CNTNAP2: variants seen among roughly 807,000 people sequenced by gnomAD.
CNTNAP2 encodes contactin-associated protein-like 2.
CNTNAP2 carries 98 observed loss-of-function variants against 155.2 expected under a neutral mutation model. The ratio of observed to expected loss-of-function variants is 0.63; its 90% CI spans 0.54 to 0.75. CNTNAP2 has a LOEUF of 0.75. Ranked by LOEUF, CNTNAP2 falls within the 30% of genes least tolerant of loss-of-function variation. The pLI is 0.00. For synonymous variants in CNTNAP2, 651 were observed against 631.2 expected, an observed-to-expected ratio of 1.03 and a Z score of -0.47; for missense variants, 1,727 against 1,688.1, an observed-to-expected ratio of 1.02 and a Z score of -0.40.
intron 13 of CNTNAP2, among the ~76,000 whole-genome samples, chr7:147,872,358 C>T (rs1799341469): frequency 6.6e-6 from 1 of 152,162 alleles, no homozygotes; most frequent in East Asian, 1.9e-4. Flanking sequence ...CACTAGAAAA[C>T]TACAGAACCG....
At chr7:146,898,038 T>TTAAC (rs148465612) in intron 3 of CNTNAP2, among the ~76,000 whole-genome samples, 4,726 of 152,188 alleles carry the variant, frequency 0.031, 224 homozygotes, top group African/African-American at 0.11. Flanking sequence ...AAAGCTTCTC[T>TTAAC]TAATGATTCC....
chr7:147,443,065 G>C (rs998878897), intron 10 of CNTNAP2, among the ~76,000 whole-genome samples: 2 of 152,092 alleles, frequency 1.3e-5, no homozygotes, highest in Admixed American at 6.5e-5. Context: ...AGCTGGGTTT[G>C]GGCCCAGTTC....
chr7:148,366,745 T>A (rs987758986), intron 21 of CNTNAP2, among the ~76,000 whole-genome samples: 2 of 152,156 alleles, frequency 1.3e-5, no homozygotes, highest in African/African-American at 4.8e-5. Context: ...GATTTCCAGA[T>A]ACTTTTGCAG....
At chr7:146,699,035 T>G (rs1800831645) in intron 1 of CNTNAP2, among the ~76,000 whole-genome samples, 1 of 152,216 alleles carries the variant, frequency 6.6e-6, no homozygotes, top group South Asian at 2.1e-4. Flanking sequence ...GTTGTTTGTT[T>G]TTATCATTTG....
intron 15 of CNTNAP2, among the ~76,000 whole-genome samples, chr7:148,114,135 C>G (rs951430585): frequency 6.6e-6 from 1 of 152,104 alleles, no homozygotes. Context: ...TTTCAATAAC[C>G]TTAAGGTTAT....
chr7:147,978,358 GA>G (rs1801467483), intron 15 of CNTNAP2, among the ~76,000 whole-genome samples: 3 of 152,080 alleles, frequency 2.0e-5, no homozygotes, highest in African/African-American at 4.8e-5. Context: ...ACCATAAACC[GA>G]GTTTATGGTG....
At chr7:147,980,933 C>CAAAAAAAAA (rs34927518) in intron 15 of CNTNAP2, among the ~76,000 whole-genome samples, 12 of 94,000 alleles carry the variant, frequency 1.3e-4, no homozygotes, top group East Asian at 3.6e-4. Context: ...TCCATCTTAA[C>CAAAAAAAAA]AAAAAAAAAA....
At chr7:147,029,798 A>G (rs574567256) in intron 3 of CNTNAP2, among the ~76,000 whole-genome samples, 37 of 152,346 alleles carry the variant, frequency 2.4e-4, no homozygotes, top group Middle Eastern at 6.8e-3. Context: ...AATTTATCCA[A>G]CTAAAGAATT....
chr7:147,135,783 A>T (rs1414622077), intron 8 of CNTNAP2, among the ~76,000 whole-genome samples: 1 of 101,376 alleles, frequency 9.9e-6, no homozygotes, highest in African/African-American at 4.3e-5. Flanking sequence ...CTTTATTCTT[A>T]AAAAAAAAAA....
intron 8 of CNTNAP2, among the ~76,000 whole-genome samples, chr7:147,269,568 C>A (rs998723178): frequency 6.6e-6 from 1 of 152,134 alleles, no homozygotes; most frequent in African/African-American, 2.4e-5. Context: ...CAAACCAGGT[C>A]CCCTGGGTTT....
intron 1 of CNTNAP2, among the ~76,000 whole-genome samples, chr7:146,554,681 T>A (rs967879849): frequency 6.6e-6 from 1 of 152,214 alleles, no homozygotes; most frequent in Non-Finnish European, 1.5e-5. Flanking sequence ...TGGACACAGC[T>A]CACAGGCTGG....
At chr7:146,842,416 T>C (rs1232823509) in intron 3 of CNTNAP2, among the ~76,000 whole-genome samples, 1 of 152,090 alleles carries the variant, frequency 6.6e-6, no homozygotes, top group Non-Finnish European at 1.5e-5. Context: ...ACGTGATGAG[T>C]GATTATTAGT....
intron 3 of CNTNAP2, among the ~76,000 whole-genome samples, chr7:146,974,448 T>A (rs1361177831): frequency 4.1e-5 from 6 of 147,078 alleles, no homozygotes; most frequent in African/African-American, 7.4e-5. Flanking sequence ...TAAAAAAAAA[T>A]AAAAAATAAA....
chr7:146,963,265 T>C (rs1797589791), intron 3 of CNTNAP2: 1 of 152,240 alleles, frequency 6.6e-6, no homozygotes, highest in African/African-American at 2.4e-5. Context: ...ATTTGATAAT[T>C]ACCTAAATTA....
At chr7:146,426,993 T>C (rs1044663925) in intron 1 of CNTNAP2, among the ~76,000 whole-genome samples, 1 of 152,036 alleles carries the variant, frequency 6.6e-6, no homozygotes, top group Non-Finnish European at 1.5e-5. Context: ...ATTTTACTTG[T>C]CAATGAAAAA....
chr7:147,036,669 A>T (rs1799156249), intron 3 of CNTNAP2, among the ~76,000 whole-genome samples: 1 of 152,180 alleles, frequency 6.6e-6, no homozygotes, highest in Non-Finnish European at 1.5e-5. Context: ...TCTTTCAATG[A>T]TAAATTTGGC....
At chr7:148,005,346 C>G (rs1267519239) in intron 15 of CNTNAP2, among the ~76,000 whole-genome samples, 1 of 152,102 alleles carries the variant, frequency 6.6e-6, no homozygotes, top group Non-Finnish European at 1.5e-5. Context: ...CTTCTCATGC[C>G]ATTACATTGG....
intron 1 of CNTNAP2, among the ~76,000 whole-genome samples, chr7:146,375,219 C>T (rs1380296663): frequency 6.6e-6 from 1 of 152,188 alleles, no homozygotes; most frequent in Non-Finnish European, 1.5e-5. Context: ...TTATTTCAAC[C>T]ATTGCTTTTA....
chr7:146,475,296 G>A (rs1796861583), intron 1 of CNTNAP2, among the ~76,000 whole-genome samples: 1 of 152,092 alleles, frequency 6.6e-6, no homozygotes, highest in Non-Finnish European at 1.5e-5. Flanking sequence ...GAAGAGATGG[G>A]GCTAGTGTCT....
Sources: allele counts gnomAD v4.1 joint callset (sites outside exome capture counted in the v4.1 genomes callset), GRCh38; gene constraint gnomAD v4.1.1; transcripts MANE v1.5; gene names NCBI Gene and HGNC (gene_info 2026-07-23, HGNC 2026-07-21).